The following TMPO variants were observed in gnomAD, a reference collection of about 807,000 sequenced individuals.
TMPO encodes the protein LEM domain containing 4.
Under a neutral mutation model 45.4 loss-of-function variants are expected in TMPO, and 22 were observed. That is an observed-to-expected ratio of 0.48 (90% CI 0.35 to 0.69). TMPO has a LOEUF of 0.69. TMPO is among the 30% of genes least tolerant of loss of function. The pLI is 0.01. For synonymous variants in TMPO, 241 were observed against 204.1 expected, an observed-to-expected ratio of 1.18 and a Z score of -1.54; for missense variants, 512 against 548.8, an observed-to-expected ratio of 0.93 and a Z score of 0.67.
At chr12:98,545,881 C>T (rs943274476) in intron 7 of TMPO, among the ~76,000 whole-genome samples, 6 of 152,040 alleles carry the variant, frequency 3.9e-5, no homozygotes, top group East Asian at 3.9e-4. Flanking sequence ...TACGGGTGCC[C>T]GCCACCACGC....
chr12:98,523,916 A>G (rs1184012553), intron 1 of TMPO, among the ~76,000 whole-genome samples: 7 of 152,112 alleles, frequency 4.6e-5, no homozygotes, highest in African/African-American at 1.7e-4. Context: ...CCTCAACGGG[A>G]GATCCTCCCT....
intron 1 of TMPO, among the ~76,000 whole-genome samples, chr12:98,527,325 C>A (rs2121168831): frequency 1.6e-5 from 2 of 124,042 alleles, no homozygotes; most frequent in African/African-American, 3.0e-5. Flanking sequence ...TGGCAAAAAC[C>A]CCATCTCTAC....
In TMPO at chr12:98,521,100, ATTTTTTTT is replaced by A. The variant is rs398044704; in HGVS notation, c.279+4972_279+4979del. ...CTATTTAATCATGGGTTTATGAGGA[ATTTTTTTT>A]TTTTTTTTTTTTTTTTTGAGACGGA... On this transcript the variant is annotated intron_variant, in intron 1 of 8. Coordinates refer to ENST00000556029, the MANE Select transcript of TMPO (RefSeq NM_001032283.3). Among the ~76,000 whole-genome samples the A allele has an allele frequency of 5.3e-4, 41 of 76,772 alleles. 3 individuals carry two copies. Among genetic ancestry groups the A allele is most frequent in the Admixed American group, 5.0e-3 (30 of 5,994 alleles). The allele number at this position is 76,772 out of a possible 152,430, so 50.4% of individuals were successfully genotyped here.
intron 3 of TMPO, chr12:98,534,988 G>T: frequency 1.2e-6 from 1 of 853,194 alleles, no homozygotes; most frequent in Non-Finnish European, 1.4e-6. Flanking sequence ...GACAGGATTT[G>T]ATTTTTTAGC....
intron 3 of TMPO, chr12:98,535,118 A>C (rs760203220): frequency 6.9e-5 from 68 of 984,622 alleles, no homozygotes; most frequent in Non-Finnish European, 8.0e-5. Flanking sequence ...ACTTTGAGAA[A>C]CACTTCTTTG....
chr12:98,535,607 T>G, intron 3 of TMPO: 1 of 985,448 alleles, frequency 1.0e-6, no homozygotes, highest in Non-Finnish European at 1.2e-6. Context: ...TTCTGCAAAT[T>G]CAATAAAGTT....
chr12:98,539,825 G>A (rs1326528758), intron 4 of TMPO, among the ~76,000 whole-genome samples: 2 of 152,102 alleles, frequency 1.3e-5, no homozygotes, highest in Non-Finnish European at 2.9e-5. Flanking sequence ...GTATATTAAA[G>A]CAGTCTTTGA....
chr12:98,546,250 A>T lies in TMPO; in HGVS notation c.991-109A>T, dbSNP rs1878220201. 3 of 782,600 alleles carry T rather than the reference A, an allele frequency of 3.8e-6. No homozygotes were observed. In the East Asian group the frequency reaches 7.6e-5, roughly 20 times the overall value. The allele number at this position is 782,600 out of a possible 1,614,324, so 48.5% of individuals were successfully genotyped here. A position where few individuals can be genotyped will look rare whatever the true frequency, so the allele number is the denominator to read the frequency against. The stretch of plus-strand genomic sequence containing the variant: ...AGAAATGGCAGCTGTAAAATCTATG[A>T]TAGATTTAAAGGCATTTTGTTCTCT... On this transcript the variant is annotated intron_variant, in intron 7 of 8. Transcript: ENST00000556029.
intron 2 of TMPO, among the ~76,000 whole-genome samples, chr12:98,528,685 G>A (rs1259016861): frequency 6.6e-6 from 1 of 151,518 alleles, no homozygotes; most frequent in Admixed American, 6.6e-5. Context: ...ATGGCCGGGC[G>A]CAGTAGCTCA....
intron 1 of TMPO, among the ~76,000 whole-genome samples, chr12:98,521,265 C>T (rs1329119016): frequency 6.6e-6 from 1 of 151,268 alleles, no homozygotes; most frequent in African/African-American, 2.4e-5. Context: ...GCACCTGCCA[C>T]CACCCCCGGC....
intron 3 of TMPO, chr12:98,535,680 G>C (rs1877523646): frequency 1.0e-6 from 1 of 985,082 alleles, no homozygotes; most frequent in Non-Finnish European, 1.2e-6. Flanking sequence ...TTTATTCTTG[G>C]AGTTGCAACA....
chr12:98,545,999 C>T (rs1878207818), intron 7 of TMPO, among the ~76,000 whole-genome samples: 2 of 152,194 alleles, frequency 1.3e-5, no homozygotes, highest in Non-Finnish European at 2.9e-5. Context: ...TCCCAAAGTG[C>T]TGGGATTACA....
At chr12:98,546,119 T>A (rs1878214568) in intron 7 of TMPO, among the ~76,000 whole-genome samples, 1 of 152,200 alleles carries the variant, frequency 6.6e-6, no homozygotes, top group East Asian at 1.9e-4. Flanking sequence ...TCCCCCCAGT[T>A]ATTTAAATGT....
At position 98,515,862 on chromosome 12, in the gene TMPO, C is replaced by T. The variant is rs1235746863; in HGVS notation, c.-6C>T. On this transcript the variant is annotated 5_prime_UTR_variant, in exon 1 of 9. Coordinates refer to ENST00000556029, the MANE Select transcript of TMPO (RefSeq NM_001032283.3). ...CTGTGGGGAGGGGGCTTCGCAGATC[C>T]CCGAGATGCCGGAGTTCCTGGAAGA... 6.2e-7 allele frequency: 1 copy of T among 1,611,616 alleles called. No homozygotes were observed. The highest frequency in any genetic ancestry group is 1.3e-5 in the African/African-American group (1 of 74,834).
chr12:98,538,936 C>T (rs979070764), intron 4 of TMPO, among the ~76,000 whole-genome samples: 1 of 152,078 alleles, frequency 6.6e-6, no homozygotes, highest in Non-Finnish European at 1.5e-5. Context: ...CGCGGTGGCT[C>T]ACGCCTGTAA....
chr12:98,522,036 T>G (rs927383743), intron 1 of TMPO, among the ~76,000 whole-genome samples: 5 of 151,828 alleles, frequency 3.3e-5, no homozygotes, highest in East Asian at 1.9e-4. Context: ...GTCTGTGTGT[T>G]TGTTTGTTTT....
At chr12:98,546,081 C>G (rs897242309) in intron 7 of TMPO, among the ~76,000 whole-genome samples, 4 of 152,276 alleles carry the variant, frequency 2.6e-5, no homozygotes, top group African/African-American at 7.2e-5. Context: ...AGGGAATTAG[C>G]ATTGCCATGT....
intron 2 of TMPO, among the ~76,000 whole-genome samples, chr12:98,529,708 G>GC (rs766114376): frequency 4.6e-5 from 7 of 152,076 alleles, no homozygotes; most frequent in Non-Finnish European, 8.8e-5. Context: ...ACAGGCACGT[G>GC]CCACCATTCC....
chr12:98,544,635 C>G (rs558131480), intron 6 of TMPO, 98 bp downstream of exon 6: 1 of 907,830 alleles, frequency 1.1e-6, no homozygotes, highest in Admixed American at 2.8e-5. Flanking sequence ...CTCAAATTTA[C>G]ATGTTTTTTT....
Sources: gnomAD v4.1 joint callset for allele counts (sites outside exome capture counted in the v4.1 genomes callset) on GRCh38, gnomAD v4.1.1 for gene constraint, MANE v1.5 for transcripts, NCBI Gene and HGNC (gene_info 2026-07-23, HGNC 2026-07-21) for gene names.